The following NCOA7 variants were observed in gnomAD, a reference collection of about 807,000 sequenced individuals.
NCOA7 encodes 140 kDa estrogen receptor-associated protein.
In NCOA7, 45 loss-of-function variants were observed where a neutral mutation model predicts 104.3. The observed-to-expected ratio is 0.43, with a 90% CI of 0.34 to 0.55. The LOEUF is 0.55. Among genes scored for constraint, NCOA7 ranks in the 20% least tolerant of loss-of-function variants. NCOA7 has a pLI of 0.02. For missense variants in NCOA7, 1,041 were observed against 1,119.7 expected, an observed-to-expected ratio of 0.93 and a Z score of 1.00; for synonymous variants, 398 against 402.3, an observed-to-expected ratio of 0.99 and a Z score of 0.13.
chr6:125,911,827 T>A (rs1786588970), intron 10 of NCOA7, among the ~76,000 whole-genome samples: 1 of 152,146 alleles, frequency 6.6e-6, no homozygotes, highest in East Asian at 1.9e-4. Context: ...GGATCCATGC[T>A]CCCGTTCCAT....
chr6:125,878,906 C>T (rs867516492), intron 5 of NCOA7, among the ~76,000 whole-genome samples: 6 of 152,168 alleles, frequency 3.9e-5, no homozygotes, highest in East Asian at 1.9e-4. Flanking sequence ...CATGTTCTGG[C>T]GGCTGCTCAC....
intron 2 of NCOA7, among the ~76,000 whole-genome samples, chr6:125,824,125 A>T (rs1778442766): frequency 6.6e-6 from 1 of 152,118 alleles, no homozygotes; most frequent in Non-Finnish European, 1.5e-5. Flanking sequence ...ACATTGGCTG[A>T]TTGGCAGCTG....
intron 3 of NCOA7, among the ~76,000 whole-genome samples, chr6:125,856,563 A>G (rs907149195): frequency 2.0e-5 from 3 of 152,268 alleles, no homozygotes; most frequent in African/African-American, 7.2e-5. Flanking sequence ...CGTGTTAGCC[A>G]GGATGGTCTC....
intron 1 of NCOA7, among the ~76,000 whole-genome samples, chr6:125,804,243 C>G (rs1372080249): frequency 1.3e-5 from 2 of 152,126 alleles, no homozygotes; most frequent in Non-Finnish European, 2.9e-5. Flanking sequence ...AAATGAATTC[C>G]AGAAGTAATT....
chr6:125,828,371 T>G (rs528156630), intron 2 of NCOA7, among the ~76,000 whole-genome samples: 1 of 152,140 alleles, frequency 6.6e-6, no homozygotes, highest in African/African-American at 2.4e-5. Context: ...CACTGATAAT[T>G]GATTGGATAA....
At chr6:125,818,499 G>GT (rs1777812522) in intron 2 of NCOA7, among the ~76,000 whole-genome samples, 1 of 152,164 alleles carries the variant, frequency 6.6e-6, no homozygotes, top group South Asian at 2.1e-4. Flanking sequence ...TCTTAAGACA[G>GT]TAAGACAACA....
chr6:125,825,622 A>C (rs1468862726), intron 2 of NCOA7, among the ~76,000 whole-genome samples: 4 of 152,250 alleles, frequency 2.6e-5, no homozygotes, highest in Non-Finnish European at 5.9e-5. Flanking sequence ...TTGTTAGCAC[A>C]GCAGAAAGCT....
chr6:125,909,935 G>C (rs1289108460), intron 10 of NCOA7, among the ~76,000 whole-genome samples: 1 of 152,136 alleles, frequency 6.6e-6, no homozygotes, highest in Non-Finnish European at 1.5e-5. Flanking sequence ...TTAAGATTGG[G>C]TATTTTATTA....
intron 1 of NCOA7, among the ~76,000 whole-genome samples, chr6:125,793,135 G>A (rs1321680595): frequency 1.3e-5 from 2 of 152,120 alleles, no homozygotes; most frequent in African/African-American, 4.8e-5. Context: ...GGAACCAACA[G>A]TGGGAGGGAA....
chr6:125,792,288 A>T (rs1774930873), intron 1 of NCOA7, among the ~76,000 whole-genome samples: 1 of 152,226 alleles, frequency 6.6e-6, no homozygotes, highest in African/African-American at 2.4e-5. Context: ...TTCAATTCTG[A>T]CATCTTTAGG....
rs373012871 is a variant in NCOA7 at position 125,892,139 on chromosome 6, T to G, written c.2096+1329T>G. Among the ~76,000 whole-genome samples the G allele has an allele frequency of 5.4e-4, 82 of 152,324 alleles. 1 individual carries two copies. The South Asian group carries it at 0.017, about 31-fold the overall frequency. ...ACTTTCAGTTACATTGTGGGTTGTG[T>G]AAACTTGATCATCTATCAGAAAAAC... On this transcript the variant is annotated intron_variant, in intron 10 of 15. Coordinates refer to ENST00000392477, the MANE Select transcript of NCOA7 (RefSeq NM_181782.5).
chr6:125,905,551 C>T (rs112455347), intron 10 of NCOA7, among the ~76,000 whole-genome samples: 36 of 152,212 alleles, frequency 2.4e-4, no homozygotes, highest in African/African-American at 3.6e-4. Context: ...CGTGAGCCAC[C>T]GCACCCAGTC....
intron 2 of NCOA7, among the ~76,000 whole-genome samples, chr6:125,844,960 C>T (rs762731279): frequency 1.3e-5 from 2 of 152,188 alleles, no homozygotes; most frequent in Admixed American, 6.6e-5. Context: ...GTACCATTTG[C>T]TTTAATCACC....
chr6:125,814,203 G>A (rs1777356059), intron 1 of NCOA7, among the ~76,000 whole-genome samples: 1 of 152,154 alleles, frequency 6.6e-6, no homozygotes, highest in East Asian at 1.9e-4. Flanking sequence ...TACCCAGGCT[G>A]GAGTGCGGTG....
intron 10 of NCOA7, among the ~76,000 whole-genome samples, chr6:125,903,092 A>G (rs1357059272): frequency 1.3e-5 from 2 of 152,320 alleles, no homozygotes; most frequent in East Asian, 3.9e-4. Flanking sequence ...TCTGCTAAAC[A>G]GGGATTTGTA....
Position 125,927,741 on chromosome 6 carries a change from T to C in NCOA7, c.2602T>C (p.Phe868Leu). 6.2e-7 allele frequency: 1 copy of C among 1,613,360 alleles called. No homozygotes were observed. ...YGTGETFLYT[F>L]SPHFKVFKWS... is the part of the protein sequence containing the mutation. ...CACAGGCGAAACTTTTCTCTACACATTCAGCCCTCATTTTAAGGTACCTAG... is the reference window on the plus strand; with the variant it reads ...CACAGGCGAAACTTTTCTCTACACACTCAGCCCTCATTTTAAGGTACCTAG... Residue 868 changes from phenylalanine to leucine, a missense_variant, in exon 14 of 16, where the codon TTC becomes CTC. Physicochemically the swap from Phe to Leu is conservative, Grantham distance 22. Around this residue, in one of 2 missense-constraint regions of NCOA7, gnomAD observed 127 missense variants for 177.0 expected, o/e 0.72. Transcript: ENST00000392477.
rs1220250026 is a variant in NCOA7, at chr6:125,929,463, T to C, written c.*692T>C. The C allele has an allele frequency of 6.6e-6, 1 of 152,072 alleles. No homozygotes were observed. The highest frequency in any genetic ancestry group is 1.5e-5 in the Non-Finnish European group (1 of 67,994). 9.4% of individuals were successfully genotyped at this position (152,072 alleles called of 1,614,324 possible). ...AGGTCTTAAGCAGCATATATCTATA[T>C]ATCTGTATGTGGGTATATAGAGATA... On this transcript the variant is annotated 3_prime_UTR_variant, in exon 16 of 16. Coordinates refer to ENST00000392477, the MANE Select transcript of NCOA7 (RefSeq NM_181782.5).
At chr6:125,913,765 A>G in intron 10 of NCOA7, 1 of 546,656 alleles carries the variant, frequency 1.8e-6, no homozygotes, top group Non-Finnish European at 2.3e-6. Flanking sequence ...AACACATTTG[A>G]TAGTTATTAA....
chr6:125,819,712 G>T (rs1183152180), intron 2 of NCOA7, among the ~76,000 whole-genome samples: 1 of 152,144 alleles, frequency 6.6e-6, no homozygotes, highest in African/African-American at 2.4e-5. Flanking sequence ...ACTATCATGT[G>T]TCATTTGTTA....
Sources: gnomAD v4.1 joint callset for allele counts (sites outside exome capture counted in the v4.1 genomes callset) on GRCh38, gnomAD v4.1.1 for gene constraint, gnomAD v4.1.1 regional missense constraint, MANE v1.5 for transcripts, NCBI Gene and HGNC (gene_info 2026-07-23, HGNC 2026-07-21) for gene names.